TENM1: variants seen among roughly 807,000 people sequenced by gnomAD.
TENM1 encodes the protein teneurin transmembrane protein 1, also known as teneurin-1.
A neutral mutation model predicts 174.8 loss-of-function variants in TENM1; 35 were observed. The observed-to-expected ratio is 0.20, with a 90% CI of 0.15 to 0.27. TENM1 has a LOEUF of 0.27. Ranked by LOEUF, TENM1 falls within the 10% of genes least tolerant of loss-of-function variation. The pLI is 1.00. For synonymous variants in TENM1, 781 were observed against 798.7 expected (o/e 0.98, Z 0.37); for missense variants, 1,633 against 2,130.1 (o/e 0.77, Z 4.59).
At chrX:124,862,540 C>T (rs1192475125) in intron 3 of TENM1, among the ~76,000 whole-genome samples, 2 of 111,069 alleles carry the variant, frequency 1.8e-5, no homozygotes, top group Non-Finnish European at 3.8e-5. Context: ...GGACCAAACT[C>T]AGCAGACAAC....
At chrX:124,827,111 C>A (rs762944963) in intron 3 of TENM1, among the ~76,000 whole-genome samples, 1 of 111,535 alleles carries the variant, frequency 9.0e-6, no homozygotes, top group East Asian at 2.8e-4. Context: ...AGTGCAGTGG[C>A]GCGATCTCAG....
chrX:124,415,159 GAA>G (rs1259642232), intron 25 of TENM1, among the ~76,000 whole-genome samples: 1 of 111,934 alleles, frequency 8.9e-6, no homozygotes, highest in Middle Eastern at 4.2e-3. Context: ...GGACAAAAGT[GAA>G]AAAAGTCAGA....
At chrX:124,823,105 G>A (rs2056077001) in intron 3 of TENM1, among the ~76,000 whole-genome samples, 1 of 111,935 alleles carries the variant, frequency 8.9e-6, no homozygotes, top group Admixed American at 9.5e-5. Flanking sequence ...GTACTATTTT[G>A]AGTCTAACAC....
At chrX:124,685,746 A>G (rs1175861965) in intron 5 of TENM1, among the ~76,000 whole-genome samples, 1 of 110,499 alleles carries the variant, frequency 9.0e-6, no homozygotes, top group African/African-American at 3.3e-5. Flanking sequence ...TTTAGTAGAG[A>G]CAGAGTTTCT....
At chrX:125,015,020 G>A in the TENM1 span, among the ~76,000 whole-genome samples, 1 of 110,918 alleles carries the variant, frequency 9.0e-6, no homozygotes, top group Non-Finnish European at 1.9e-5. Context: ...CTGTTAACAG[G>A]TCATGTAAAT....
the TENM1 span, among the ~76,000 whole-genome samples, chrX:125,071,721 C>T: frequency 1.8e-5 from 2 of 111,073 alleles, no homozygotes; most frequent in East Asian, 5.7e-4. Flanking sequence ...TCTATACCTA[C>T]CAGTGATAGG....
chrX:124,964,915 T>C (rs1461536535), upstream of TENM1, among the ~76,000 whole-genome samples: 4 of 112,311 alleles, frequency 3.6e-5, no homozygotes, highest in Non-Finnish European at 5.6e-5. Context: ...AAGAAATCTA[T>C]AGACATCCAA....
chrX:124,658,805 A>G (rs186240629), intron 6 of TENM1, among the ~76,000 whole-genome samples: 4 of 112,453 alleles, frequency 3.6e-5, no homozygotes, highest in Non-Finnish European at 7.5e-5. Context: ...CTTCTCAGGT[A>G]GAAGTAAAAT....
At chrX:124,606,059 A>G (rs2050148529) in intron 11 of TENM1, among the ~76,000 whole-genome samples, 1 of 111,376 alleles carries the variant, frequency 9.0e-6, no homozygotes, top group African/African-American at 3.3e-5. Flanking sequence ...CAAAAAGACC[A>G]TATGCTGTTA....
chrX:124,414,593 A>G (rs916509266), intron 25 of TENM1, among the ~76,000 whole-genome samples: 3 of 111,115 alleles, frequency 2.7e-5, no homozygotes, highest in South Asian at 3.9e-4. Flanking sequence ...GCAATGGTGC[A>G]TCAAATACTA....
intron 3 of TENM1, among the ~76,000 whole-genome samples, chrX:124,766,799 T>A (rs2054547525): frequency 9.0e-6 from 1 of 111,316 alleles, no homozygotes; most frequent in Non-Finnish European, 1.9e-5. Context: ...AAAGAAATCA[T>A]CTTAGAAAAT....
At chrX:124,590,402 A>C (rs915868376) in intron 11 of TENM1, among the ~76,000 whole-genome samples, 13 of 110,054 alleles carry the variant, frequency 1.2e-4, no homozygotes, top group South Asian at 3.9e-4. Flanking sequence ...AGAATAAAAT[A>C]CCTAGGAATC....
intron 6 of TENM1, among the ~76,000 whole-genome samples, chrX:124,665,716 C>T (rs899230226): frequency 1.8e-5 from 2 of 111,826 alleles, no homozygotes; most frequent in African/African-American, 6.5e-5. Context: ...GATAAGTTAG[C>T]CTTGTGTTTT....
chrX:125,133,682 T>C, the TENM1 span, among the ~76,000 whole-genome samples: 3 of 111,937 alleles, frequency 2.7e-5, no homozygotes, highest in African/African-American at 6.5e-5. Context: ...TATGTAGAAA[T>C]AGTATCTTTG....
chrX:124,755,276 T>G (rs1459586534), intron 3 of TENM1, among the ~76,000 whole-genome samples: 2 of 110,559 alleles, frequency 1.8e-5, no homozygotes, highest in African/African-American at 6.7e-5. Flanking sequence ...CTTTGTTGGT[T>G]TAAAGTCTGT....
chrX:124,452,550 G>T (rs1339181098), intron 23 of TENM1, among the ~76,000 whole-genome samples: 3 of 111,116 alleles, frequency 2.7e-5, no homozygotes, highest in Non-Finnish European at 5.7e-5. Context: ...AAATCATGCT[G>T]CTATAAAGAC....
At chrX:124,601,221 T>TG (rs1294499827) in intron 11 of TENM1, among the ~76,000 whole-genome samples, 2 of 111,355 alleles carry the variant, frequency 1.8e-5, no homozygotes, top group Non-Finnish European at 3.8e-5. Context: ...GAGGAGAACG[T>TG]GGGATTCAAA....
intron 28 of TENM1, among the ~76,000 whole-genome samples, chrX:124,391,213 T>C (rs1362719196): frequency 8.9e-6 from 1 of 111,980 alleles, no homozygotes; most frequent in Admixed American, 9.5e-5. Context: ...ATCTAGAAGC[T>C]ACCTTGTACT....
intron 23 of TENM1, among the ~76,000 whole-genome samples, chrX:124,439,444 A>G (rs2060880372): frequency 8.9e-6 from 1 of 112,123 alleles, no homozygotes; most frequent in Non-Finnish European, 1.9e-5. Flanking sequence ...TAGAAAGAAG[A>G]TGAAGTATTT....
Sources: allele counts gnomAD v4.1 joint callset (sites outside exome capture counted in the v4.1 genomes callset), GRCh38; gene constraint gnomAD v4.1.1; transcripts MANE v1.5; gene names NCBI Gene and HGNC (gene_info 2026-07-23, HGNC 2026-07-21).